BLZF1: variants seen among roughly 807,000 people sequenced by gnomAD.
The protein encoded by BLZF1 is basic leucine zipper nuclear factor 1, also known as golgin-45.
BLZF1 carries 39 observed loss-of-function variants against 43.8 expected under a neutral mutation model. That is an observed-to-expected ratio of 0.89 (90% CI 0.69 to 1.16). BLZF1 has a LOEUF of 1.16. Ranked by LOEUF, BLZF1 falls within the 50% of genes most tolerant of loss-of-function variation. The probability of loss-of-function intolerance (pLI) is 0.00; values close to 1 mark genes in which losing one functional copy is unlikely to be tolerated. For missense variants in BLZF1, 449 were observed against 469.8 expected (o/e 0.96, Z 0.41); for synonymous variants, 136 against 159.4 (o/e 0.85, Z 1.11).
Position 169,387,996 on chromosome 1 carries a change from G to A in BLZF1, c.*814G>A, listed in dbSNP as rs886223371. On this transcript the variant is annotated 3_prime_UTR_variant, in exon 7 of 7. Coordinates refer to ENST00000367808, the MANE Select transcript of BLZF1 (RefSeq NM_001320973.2). ...ATATCCAACTTGATATTTATAAAAGGTAGACTTTTTCCAAAAGTGTATAAG... is the reference window on the plus strand; with the variant it reads ...ATATCCAACTTGATATTTATAAAAGATAGACTTTTTCCAAAAGTGTATAAG... The A allele has an allele frequency of 1.3e-5, 2 of 151,974 alleles. No homozygotes were observed. The highest frequency in any genetic ancestry group is 2.9e-5 in the Non-Finnish European group (2 of 67,990). The allele number at this position is 151,974 out of a possible 1,614,324, so 9.4% of individuals were successfully genotyped here.
intron 2 of BLZF1, among the ~76,000 whole-genome samples, chr1:169,374,168 C>T (rs1423168958): frequency 6.7e-6 from 1 of 150,098 alleles, no homozygotes. Context: ...GATTTCAAGA[C>T]CATTCTGGAC....
At chr1:169,393,640 C>T (rs948520550) in intron 7 of BLZF1, among the ~76,000 whole-genome samples, 3 of 151,056 alleles carry the variant, frequency 2.0e-5, no homozygotes, top group Admixed American at 6.6e-5. Context: ...CTCACTCTGT[C>T]ACCCAGGCTG....
chr1:169,388,705 CTGGGCA>C (rs1264534798), downstream of BLZF1, among the ~76,000 whole-genome samples: 2 of 152,172 alleles, frequency 1.3e-5, no homozygotes, highest in East Asian at 3.9e-4. Flanking sequence ...AGCAAAGGGG[CTGGGCA>C]TGGTGGCTCA....
chr1:169,382,993 A>C (rs565375919), intron 6 of BLZF1, among the ~76,000 whole-genome samples: 1 of 151,838 alleles, frequency 6.6e-6, no homozygotes, highest in African/African-American at 2.4e-5. Flanking sequence ...TTTTTTATGT[A>C]TCTCATCAGC....
chr1:169,371,063 T>G (rs1654104499), intron 2 of BLZF1, among the ~76,000 whole-genome samples: 1 of 152,038 alleles, frequency 6.6e-6, no homozygotes, highest in Admixed American at 6.5e-5. Flanking sequence ...TAAAAGCAGG[T>G]TGAAATAAGT....
Position 169,387,156 on chromosome 1 carries a change from T to G in BLZF1, c.1177T>G (p.Cys393Gly), listed in dbSNP as rs1379191195. ...TATAACTTTCAATTGCTGCAATCAC[T>G]GCCGGGGAGAACTGATTGCCCTTTA... ...ENITFNCCNHCRGELIAL is the reference protein window; with the variant it reads ...ENITFNCCNHGRGELIAL The change falls in exon 7 of 7, where the codon TGC (cysteine) becomes GGC (glycine). Residue 393 changes from cysteine (C) to glycine (G), a missense_variant. By Grantham distance (159) the Cys-to-Gly change is radical. Transcript: ENST00000367808. The G allele has an allele frequency of 6.2e-7, 1 of 1,613,562 alleles. No homozygotes were observed. Among genetic ancestry groups the G allele is most frequent in the East Asian group, 2.2e-5 (1 of 44,822 alleles).
chr1:169,379,973 A>G (rs1283701583), intron 4 of BLZF1, among the ~76,000 whole-genome samples: 4 of 151,972 alleles, frequency 2.6e-5, no homozygotes, highest in Admixed American at 2.0e-4. Context: ...GTTGAAATAT[A>G]CATAAATTTT....
chr1:169,392,084 A>G (rs1654826980), downstream of BLZF1, among the ~76,000 whole-genome samples: 1 of 152,180 alleles, frequency 6.6e-6, no homozygotes, highest in South Asian at 2.1e-4. Context: ...AACAGTCGTT[A>G]TGGAGGCCTG....
At chr1:169,389,376 C>T (rs1048459021), downstream of BLZF1, among the ~76,000 whole-genome samples, 3 of 152,084 alleles carry the variant, frequency 2.0e-5, no homozygotes, top group African/African-American at 4.8e-5. Flanking sequence ...GGCCAATAAG[C>T]ACATCAAAAG....
chr1:169,387,225 C>A lies in BLZF1; in HGVS notation c.*43C>A. On this transcript the variant is annotated 3_prime_UTR_variant, in exon 7 of 7. Transcript: ENST00000367808. ...GCATGCTAAGGTACTTCCTTATTAC[C>A]CAAGAGTCATTATTATTTGGGAGCT... is the stretch of plus-strand genomic sequence containing the variant. 1 of 1,543,684 alleles carries A rather than the reference C, an allele frequency of 6.5e-7. No homozygotes were observed. The highest frequency in any genetic ancestry group is 8.8e-7 in the Non-Finnish European group (1 of 1,138,706).
At chr1:169,381,734 A>G (rs1654533444) in intron 5 of BLZF1, among the ~76,000 whole-genome samples, 1 of 152,170 alleles carries the variant, frequency 6.6e-6, no homozygotes, top group Non-Finnish European at 1.5e-5. Context: ...TCAAGAATCA[A>G]TTAATGTAAC....
rs59416793 is a variant in BLZF1, at chr1:169,384,453, A to T, written c.1017+2172A>T. 5.9e-3 allele frequency among the ~76,000 whole-genome samples: 903 copies of T among 152,300 alleles called. 8 individuals carry two copies. Among genetic ancestry groups the T allele is most frequent in the African/African-American group, 0.021 (864 of 41,572 alleles). On this transcript the variant is annotated intron_variant, in intron 6 of 6. Transcript: ENST00000367808. Reference sequence around the variant, plus strand: ...GTTATTTCAGAAGGCCAAATCAGTCATCAAACAGTTCCCAGTCTCCCTCAT... The same window carrying T: ...GTTATTTCAGAAGGCCAAATCAGTCTTCAAACAGTTCCCAGTCTCCCTCAT...
At chr1:169,393,514 C>T (rs1254573509) in intron 7 of BLZF1, among the ~76,000 whole-genome samples, 3 of 149,564 alleles carry the variant, frequency 2.0e-5, no homozygotes, top group African/African-American at 7.4e-5. Flanking sequence ...CACTTGAACC[C>T]GGGAGGTGGA....
chr1:169,389,306 AAAAC>A (rs1211609746), downstream of BLZF1, among the ~76,000 whole-genome samples: 1 of 152,132 alleles, frequency 6.6e-6, no homozygotes, highest in Non-Finnish European at 1.5e-5. Context: ...AAAAAAAACA[AAAAC>A]AAAAAAAATT....
At chr1:169,386,443 G>T (rs1654669303) in intron 6 of BLZF1, among the ~76,000 whole-genome samples, 1 of 151,952 alleles carries the variant, frequency 6.6e-6, no homozygotes, top group Non-Finnish European at 1.5e-5. Flanking sequence ...CTCCTGGGGG[G>T]CCGAGGCAGG....
At chr1:169,381,766 A>G (rs965946348) in intron 5 of BLZF1, among the ~76,000 whole-genome samples, 4 of 152,184 alleles carry the variant, frequency 2.6e-5, no homozygotes, top group Non-Finnish European at 1.5e-5. Context: ...GAAAAACCGT[A>G]TGAATATCCC....
chr1:169,382,100 G>T lies in BLZF1; in HGVS notation c.836G>T (p.Arg279Ile). 1 of 1,613,756 alleles carries T rather than the reference G, an allele frequency of 6.2e-7. No individual in the cohort carries two copies. The highest frequency in any genetic ancestry group is 8.5e-7 in the Non-Finnish European group (1 of 1,179,688). The part of the protein sequence containing the change: ...EELLVSLQWG[R>I]EQTYSPSVQP... ...CTCTTAGTTTCCTTGCAATGGGGAAGAGAGCAAACTTACTCCCCTAGTGTA... is the reference window on the plus strand; with the variant it reads ...CTCTTAGTTTCCTTGCAATGGGGAATAGAGCAAACTTACTCCCCTAGTGTA... Residue 279 changes from arginine (R) to isoleucine (I), a missense_variant, in exon 6 of 7, where the codon AGA becomes ATA. By Grantham distance (97) the Arg-to-Ile change is moderately conservative. Transcript: ENST00000367808.
In BLZF1 at chr1:169,369,136, TA is replaced by T. The variant is rs1654011320; in HGVS notation, c.-50-333del. Among the ~76,000 whole-genome samples the T allele has an allele frequency of 2.6e-5, 4 of 152,208 alleles. No individual in the cohort carries two copies. The South Asian group carries it at 8.3e-4, about 31-fold the overall frequency. ...ATGTCTCCTAAGAAAGTAATTACTT[TA>T]AAATTCCTCTTGTCATATGGATGAC... On this transcript the variant is annotated intron_variant, in intron 1 of 6. Transcript: ENST00000367808.
intron 5 of BLZF1, 67 bp downstream of exon 5, chr1:169,380,676 GTTTT>G: frequency 6.4e-7 from 1 of 1,573,486 alleles, no homozygotes; most frequent in Non-Finnish European, 8.7e-7. Flanking sequence ...TGTAGTTTTG[GTTTT>G]TTTGTTTGTT....
Sources: gnomAD v4.1 joint callset for allele counts (sites outside exome capture counted in the v4.1 genomes callset) on GRCh38, gnomAD v4.1.1 for gene constraint, MANE v1.5 for transcripts, NCBI Gene and HGNC (gene_info 2026-07-23, HGNC 2026-07-21) for gene names.